Variants in TANGO6 observed in about 807,000 individuals in gnomAD.
The protein encoded by TANGO6 is transport and Golgi organization protein 6 homolog.
Under a neutral mutation model 114.2 loss-of-function variants are expected in TANGO6, and 90 were observed. The ratio of observed to expected loss-of-function variants is 0.79; its 90% CI spans 0.66 to 0.94. TANGO6 has a LOEUF of 0.94. Ranked by LOEUF, TANGO6 falls within the 40% of genes least tolerant of loss-of-function variation. TANGO6 has a pLI of 0.00. For synonymous variants in TANGO6, 477 were observed against 509.8 expected (o/e 0.94, Z 0.87); for missense variants, 1,274 against 1,315.3 (o/e 0.97, Z 0.49).
intron 3 of TANGO6, among the ~76,000 whole-genome samples, chr16:68,865,965 A>G (rs1246533213): frequency 1.3e-5 from 2 of 152,164 alleles, no homozygotes; most frequent in Non-Finnish European, 2.9e-5. Context: ...TGTCACAGGA[A>G]TCAGAGTTGC....
At chr16:68,936,225 A>G (rs1963298143) in intron 14 of TANGO6, among the ~76,000 whole-genome samples, 2 of 152,190 alleles carry the variant, frequency 1.3e-5, no homozygotes, top group African/African-American at 4.8e-5. Flanking sequence ...TGAGATTCCC[A>G]TAGTGTACAT....
In TANGO6 at chr16:69,084,102, A is replaced by G. The variant is rs897639158; in HGVS notation, c.*441A>G. 6.5e-6 allele frequency: 1 copy of G among 153,640 alleles called. No individual in the cohort carries two copies. Among genetic ancestry groups the G allele is most frequent in the African/African-American group, 2.4e-5 (1 of 41,468 alleles). The allele number at this position is 153,640 out of a possible 1,614,324, so 9.5% of individuals were successfully genotyped here. A position where few individuals can be genotyped will look rare whatever the true frequency, so the allele number is the denominator to read the frequency against. On this transcript the variant is annotated 3_prime_UTR_variant, in exon 18 of 18. Transcript: ENST00000261778. ...AGGAAAATGAGGAGCAGAACTGGCC[A>G]CCCTTGGCTGCTCAAGAGGCATTTC...
chr16:69,012,578 A>AT (rs1964152978), intron 15 of TANGO6, among the ~76,000 whole-genome samples: 1 of 133,292 alleles, frequency 7.5e-6, no homozygotes, highest in Admixed American at 7.3e-5. Flanking sequence ...AAAAAAAAAA[A>AT]GGAAAAAAAA....
At chr16:69,008,037 G>A (rs1964109604) in intron 15 of TANGO6, among the ~76,000 whole-genome samples, 1 of 151,782 alleles carries the variant, frequency 6.6e-6, no homozygotes, top group Non-Finnish European at 1.5e-5. Context: ...CAAGAGACAA[G>A]TCCCTTACAC....
chr16:69,076,632 T>G (rs1452423865), intron 17 of TANGO6, among the ~76,000 whole-genome samples: 1 of 152,194 alleles, frequency 6.6e-6, no homozygotes, highest in Non-Finnish European at 1.5e-5. Context: ...GGAAAGTGCA[T>G]GAAAAGTGTC....
intron 17 of TANGO6, among the ~76,000 whole-genome samples, chr16:69,048,939 C>T (rs1959903675): frequency 6.6e-6 from 1 of 152,100 alleles, no homozygotes; most frequent in African/African-American, 2.4e-5. Context: ...AAGTCAAAGC[C>T]AGGCCCAGGC....
At chr16:68,948,714 G>A (rs1963441155) in intron 14 of TANGO6, among the ~76,000 whole-genome samples, 1 of 152,142 alleles carries the variant, frequency 6.6e-6, no homozygotes, top group South Asian at 2.1e-4. Context: ...ATGGCAATGT[G>A]TCAAGTGTTA....
intron 1 of TANGO6, among the ~76,000 whole-genome samples, chr16:68,857,874 A>G (rs917788970): frequency 2.0e-4 from 31 of 152,238 alleles, no homozygotes; most frequent in African/African-American, 7.0e-4. Flanking sequence ...AGGGATATTG[A>G]TCAGTAATTT....
At chr16:68,971,163 A>G (rs956354818) in intron 14 of TANGO6, among the ~76,000 whole-genome samples, 1 of 152,132 alleles carries the variant, frequency 6.6e-6, no homozygotes, top group East Asian at 1.9e-4. Flanking sequence ...AAAAAAAAAA[A>G]AAAGAAAGTT....
intron 17 of TANGO6, among the ~76,000 whole-genome samples, chr16:69,082,383 C>G (rs1041786182): frequency 6.6e-6 from 1 of 152,110 alleles, no homozygotes; most frequent in Admixed American, 6.6e-5. Context: ...GGATTACAGG[C>G]ATGAGCCACC....
chr16:68,902,419 A>C lies in TANGO6; in HGVS notation c.1582A>C (p.Lys528Gln), dbSNP rs774245569. 3.7e-6 allele frequency: 6 copies of C among 1,613,946 alleles called. No homozygotes were observed. Among genetic ancestry groups the C allele is most frequent in the Non-Finnish European group, 5.1e-6 (6 of 1,179,840 alleles). The change falls in exon 9 of 18, where the codon AAA becomes CAA. Residue 528 changes from lysine to glutamine, a missense_variant. Transcript: ENST00000261778. ...ASLKGFAGLD[K>Q]AVPSLHSLCQ... is the part of the protein sequence containing the mutation. Reference sequence around the variant, plus strand: ...CCTGAAAGGATTTGCAGGGTTGGACAAAGCTGTGCCCTCTCTCCATTCTCT... The same window carrying C: ...CCTGAAAGGATTTGCAGGGTTGGACCAAGCTGTGCCCTCTCTCCATTCTCT...
At chr16:69,079,392 G>A (rs1019173506) in intron 17 of TANGO6, among the ~76,000 whole-genome samples, 1 of 151,402 alleles carries the variant, frequency 6.6e-6, no homozygotes, top group Non-Finnish European at 1.5e-5. Flanking sequence ...TAGTATAATG[G>A]CTAAAATTAT....
intron 17 of TANGO6, among the ~76,000 whole-genome samples, chr16:69,075,721 C>T (rs908685190): frequency 4.0e-5 from 6 of 150,568 alleles, no homozygotes; most frequent in Non-Finnish European, 8.9e-5. Flanking sequence ...CTCAAAGTGC[C>T]GGGATTACAG....
At chr16:68,890,658 G>A (rs2152175780) in intron 7 of TANGO6, among the ~76,000 whole-genome samples, 1 of 152,266 alleles carries the variant, frequency 6.6e-6, no homozygotes, top group Admixed American at 6.5e-5. Flanking sequence ...GCCAAGGTGG[G>A]CGGATCGCTT....
At chr16:68,969,763 A>C (rs1963684534) in intron 14 of TANGO6, among the ~76,000 whole-genome samples, 1 of 152,168 alleles carries the variant, frequency 6.6e-6, no homozygotes, top group African/African-American at 2.4e-5. Context: ...ATTGAAAAAC[A>C]GTCCAACTGG....
chr16:68,980,773 C>T (rs947160572), intron 15 of TANGO6, among the ~76,000 whole-genome samples: 4 of 151,960 alleles, frequency 2.6e-5, no homozygotes, highest in African/African-American at 9.7e-5. Context: ...CCGAGGTGGG[C>T]GGATCACAAG....
intron 17 of TANGO6, among the ~76,000 whole-genome samples, chr16:69,076,432 C>T (rs961766401): frequency 1.3e-5 from 2 of 152,058 alleles, no homozygotes; most frequent in East Asian, 3.9e-4. Context: ...CACTGTCTAC[C>T]TTTGATTTAC....
At chr16:69,014,910 A>AT (rs1491586093) in intron 15 of TANGO6, among the ~76,000 whole-genome samples, 20 of 151,950 alleles carry the variant, frequency 1.3e-4, no homozygotes, top group African/African-American at 4.8e-4. Flanking sequence ...AAAAAAAAAA[A>AT]AGAAAAAGAA....
chr16:68,980,856 A>T (rs1431484141), intron 15 of TANGO6, among the ~76,000 whole-genome samples: 2 of 152,002 alleles, frequency 1.3e-5, no homozygotes, highest in African/African-American at 4.8e-5. Context: ...TTAGCCAGGC[A>T]TAGTGGCGGG....
Sources: gnomAD v4.1 joint callset for allele counts (sites outside exome capture counted in the v4.1 genomes callset) on GRCh38, gnomAD v4.1.1 for gene constraint, MANE v1.5 for transcripts, NCBI Gene and HGNC (gene_info 2026-07-23, HGNC 2026-07-21) for gene names.